EEA1: variants seen among roughly 807,000 people sequenced by gnomAD.
EEA1 encodes the protein early endosome antigen 1.
A neutral mutation model predicts 209.2 loss-of-function variants in EEA1; 111 were observed. The observed-to-expected ratio is 0.53, with a 90% CI of 0.45 to 0.62. The LOEUF (loss-of-function observed/expected upper bound fraction) is 0.62, where lower values mean the gene tolerates loss of function less well. Ranked by LOEUF, EEA1 falls within the 20% of genes least tolerant of loss-of-function variation. The pLI, the probability that EEA1 is intolerant of heterozygous loss-of-function variation, is 0.00. For missense variants in EEA1, 1,343 were observed against 1,530.8 expected (o/e 0.88, Z 2.05); for synonymous variants, 536 against 540.6 (o/e 0.99, Z 0.12).
In EEA1 at chr12:92,812,985, G is replaced by C. The variant is rs1425984350; in HGVS notation, c.2038C>G (p.Gln680Glu). ...AATTGCATCTGTTTCCCTACCTGCT[G>C]TTTATCTTGTAATGCATTTTGAGCT... ...DTAQNALQDK[Q>E]QELNKITTQL... Residue 680 changes from glutamine to glutamate, a missense_variant, in exon 16 of 29, where the codon CAG (glutamine) becomes GAG (glutamate). This residue lies in a region of EEA1 where 1,307 missense variants were observed against 1,465.5 expected (regional missense o/e 0.89). Coordinates refer to ENST00000322349, the MANE Select transcript of EEA1 (RefSeq NM_003566.4). The C allele has an allele frequency of 8.3e-6, 13 of 1,570,652 alleles. No individual in the cohort carries two copies. The highest frequency in any genetic ancestry group is 1.1e-5 in the Non-Finnish European group (13 of 1,151,346).
intron 21 of EEA1, among the ~76,000 whole-genome samples, chr12:92,796,319 C>T (rs891437942): frequency 2.6e-5 from 4 of 151,990 alleles, no homozygotes; most frequent in African/African-American, 9.7e-5. Flanking sequence ...TAGTCTTATG[C>T]TATATATAAT....
Position 92,779,238 on chromosome 12 carries a change from T to C in EEA1, c.3531A>G (p.Gly1177=). The change falls in exon 25 of 29, where the codon GGA becomes GGG. Residue 1177 remains glycine, a synonymous_variant. Transcript: ENST00000322349. ...CAGCTGCCTTCAGGGAGTCCGCTTT[T>C]CCTTGAAGTTCTAATTTCTGCTGAA... is the stretch of plus-strand genomic sequence containing the variant. ...LLIQQKLELQ[G]KADSLKAAVE... The C allele has an allele frequency of 1.2e-6, 2 of 1,609,852 alleles. No homozygotes were observed. The highest frequency in any genetic ancestry group is 4.5e-5 in the East Asian group (2 of 44,532).
intron 1 of EEA1, among the ~76,000 whole-genome samples, chr12:92,912,037 T>C (rs1012359829): frequency 9.2e-5 from 14 of 152,100 alleles, no homozygotes; most frequent in African/African-American, 3.1e-4. Flanking sequence ...ACAGAAAAAA[T>C]TTCAGTTAAT....
chr12:92,832,275 A>G (rs1012392807), intron 11 of EEA1, among the ~76,000 whole-genome samples: 3 of 152,146 alleles, frequency 2.0e-5, no homozygotes, highest in Non-Finnish European at 4.4e-5. Flanking sequence ...AATTTATAGT[A>G]TCAATTCATA....
At chr12:92,921,775 AAAG>A (rs1881008222) in intron 1 of EEA1, among the ~76,000 whole-genome samples, 1 of 148,658 alleles carries the variant, frequency 6.7e-6, no homozygotes, top group South Asian at 2.1e-4. Flanking sequence ...AAAAAAAAAA[AAAG>A]AATCGCTTGA....
chr12:92,852,382 C>G (rs1428987408), intron 7 of EEA1, 86 bp from the exon 8 acceptor site: 8 of 819,164 alleles, frequency 9.8e-6, no homozygotes, highest in Non-Finnish European at 1.4e-5. Flanking sequence ...ATCTGTATAT[C>G]ACTCTAATTC....
intron 2 of EEA1, among the ~76,000 whole-genome samples, chr12:92,872,735 T>C (rs1192577957): frequency 6.6e-6 from 1 of 152,108 alleles, no homozygotes; most frequent in Non-Finnish European, 1.5e-5. Flanking sequence ...GGCAGATCAC[T>C]TGAGGTCAGG....
At position 92,770,637 on chromosome 12, in the gene EEA1, A is replaced by G; in HGVS notation, c.*5374T>C. The G allele has an allele frequency of 6.5e-6, 1 of 154,708 alleles. No individual in the cohort carries two copies. Among genetic ancestry groups the G allele is most frequent in the Non-Finnish European group, 1.4e-5 (1 of 69,798 alleles). 9.6% of individuals were successfully genotyped at this position (154,708 alleles called of 1,614,324 possible). On this transcript the variant is annotated 3_prime_UTR_variant, in exon 29 of 29. Coordinates refer to ENST00000322349, the MANE Select transcript of EEA1 (RefSeq NM_003566.4). ...TGTCAATCAGTCTTAACCGCTTTATAGTCCTACCTCAAACATAATGATAAA... is the reference window on the plus strand; with the variant it reads ...TGTCAATCAGTCTTAACCGCTTTATGGTCCTACCTCAAACATAATGATAAA...
intron 3 of EEA1, among the ~76,000 whole-genome samples, chr12:92,862,382 G>A (rs73362497): frequency 0.017 from 2,575 of 152,190 alleles, 32 homozygotes; most frequent in East Asian, 0.04. Context: ...AATTCCTTGA[G>A]GACTTCTTGA....
At chr12:92,893,798 G>GA (rs970747086) in intron 1 of EEA1, among the ~76,000 whole-genome samples, 12 of 147,588 alleles carry the variant, frequency 8.1e-5, no homozygotes, top group African/African-American at 3.0e-4. Context: ...CTTTTATCTT[G>GA]AAAAAAATGT....
chr12:92,775,901 C>A lies in EEA1; in HGVS notation c.*110G>T, dbSNP rs1479915787. 3.6e-6 allele frequency: 4 copies of A among 1,123,060 alleles called. No individual in the cohort carries two copies. The highest frequency in any genetic ancestry group is 4.9e-6 in the Non-Finnish European group (4 of 822,236). The allele number at this position is 1,123,060 out of a possible 1,614,324, so 69.6% of individuals were successfully genotyped here. Reference sequence around the variant, plus strand: ...CAAAATATACTAATTCCTATTTGGTCTAGTATTGCAACCAGTGTCCAAACC... The same window carrying A: ...CAAAATATACTAATTCCTATTTGGTATAGTATTGCAACCAGTGTCCAAACC... On this transcript the variant is annotated 3_prime_UTR_variant, in exon 29 of 29. Transcript: ENST00000322349.
At chr12:92,823,399 G>GTATCCTT (rs1198606393) in intron 13 of EEA1, among the ~76,000 whole-genome samples, 1 of 152,272 alleles carries the variant, frequency 6.6e-6, no homozygotes, top group Admixed American at 6.5e-5. Flanking sequence ...ACTAGCTTCA[G>GTATCCTT]TATCCTTTAT....
At chr12:92,911,977 C>G (rs533554164) in intron 1 of EEA1, among the ~76,000 whole-genome samples, 1 of 152,298 alleles carries the variant, frequency 6.6e-6, no homozygotes, top group South Asian at 2.1e-4. Flanking sequence ...CAAGTATGCA[C>G]TGAAATTTGG....
intron 18 of EEA1, among the ~76,000 whole-genome samples, chr12:92,805,534 A>T (rs1875160422): frequency 6.6e-6 from 1 of 152,198 alleles, no homozygotes; most frequent in Non-Finnish European, 1.5e-5. Context: ...ACTCAGTCAG[A>T]GCAGGTGATT....
intron 10 of EEA1, among the ~76,000 whole-genome samples, chr12:92,839,660 T>A (rs564430854): frequency 3.2e-4 from 48 of 152,314 alleles, no homozygotes; most frequent in African/African-American, 1.2e-3. Flanking sequence ...GAAATGCTAT[T>A]TATGTTAATA....
chr12:92,893,871 C>A (rs999449284), intron 1 of EEA1, among the ~76,000 whole-genome samples: 12 of 151,694 alleles, frequency 7.9e-5, no homozygotes, highest in African/African-American at 2.7e-4. Flanking sequence ...TTTCCTCATG[C>A]AGATACTTTG....
At chr12:92,799,735 C>T (rs940995226) in intron 20 of EEA1, among the ~76,000 whole-genome samples, 1 of 151,626 alleles carries the variant, frequency 6.6e-6, no homozygotes, top group Non-Finnish European at 1.5e-5. Flanking sequence ...TGCAGTGAGC[C>T]GAGATCGTGC....
chr12:92,867,219 C>A (rs886385036), intron 2 of EEA1, among the ~76,000 whole-genome samples: 1 of 152,160 alleles, frequency 6.6e-6, no homozygotes, highest in African/African-American at 2.4e-5. Context: ...AAAATACCTG[C>A]GTTTCCCTGA....
chr12:92,909,842 C>A (rs1303558310), intron 1 of EEA1, among the ~76,000 whole-genome samples: 1 of 151,966 alleles, frequency 6.6e-6, no homozygotes, highest in South Asian at 2.1e-4. Flanking sequence ...CATGGTGAGA[C>A]CCCGCCTTAA....
Sources: gnomAD v4.1 joint callset for allele counts (sites outside exome capture counted in the v4.1 genomes callset) on GRCh38, gnomAD v4.1.1 for gene constraint, gnomAD v4.1.1 regional missense constraint, MANE v1.5 for transcripts, NCBI Gene and HGNC (gene_info 2026-07-23, HGNC 2026-07-21) for gene names.